Variants in FABP5 observed in about 807,000 individuals in gnomAD.
The protein encoded by FABP5 is fatty acid binding protein 5.
A neutral mutation model predicts 16.9 loss-of-function variants in FABP5; 7 were observed. That is an observed-to-expected ratio of 0.41 (90% CI 0.24 to 0.78). The LOEUF is 0.78. Ranked by LOEUF, FABP5 falls within the 30% of genes least tolerant of loss-of-function variation. The pLI, the probability that FABP5 is intolerant of heterozygous loss-of-function variation, is 0.30. For missense variants in FABP5, 119 were observed against 159.5 expected (o/e 0.75, Z 1.37); for synonymous variants, 37 against 52.8 (o/e 0.70, Z 1.30).
chr8:81,283,661 A>C (rs998287399), intron 2 of FABP5, 123 bp downstream of exon 2: 48 of 1,178,838 alleles, frequency 4.1e-5, no homozygotes, highest in Non-Finnish European at 5.0e-5. Flanking sequence ...AATTTTGTCA[A>C]ATTAGCAAAA....
At chr8:81,280,732 C>T in intron 1 of FABP5, 58 bp downstream of exon 1, 1 of 1,473,766 alleles carries the variant, frequency 6.8e-7, no homozygotes, top group South Asian at 1.2e-5. Flanking sequence ...TCGTCTGTCC[C>T]TAGGTCCCCG....
intron 1 of FABP5, 67 bp downstream of exon 1, chr8:81,280,741 C>A: frequency 1.4e-6 from 2 of 1,417,080 alleles, no homozygotes; most frequent in Non-Finnish European, 1.9e-6. Context: ...CCTAGGTCCC[C>A]GTCAGCGTGC....
rs181541105 is a variant in FABP5, at chr8:81,281,747, A to G, written c.79+1073A>G. On this transcript the variant is annotated intron_variant, in intron 1 of 3. Transcript: ENST00000297258. This position sits in a 1 kb window ranked among gnomAD's most constrained non-coding sequence, Gnocchi z 4.5. ...CTTTTCTATGCCAGTGACAGATTGC[A>G]TGCTGATTGAGACACTGGATAAATT... The G allele has an allele frequency of 2.3e-6, 2 of 882,546 alleles. No homozygotes were observed. Among genetic ancestry groups the G allele is most frequent in the Non-Finnish European group, 2.7e-6 (2 of 736,110 alleles). The allele number at this position is 882,546 out of a possible 1,614,324, so 54.7% of individuals were successfully genotyped here. A position where few individuals can be genotyped will look rare whatever the true frequency, so the allele number is the denominator to read the frequency against.
At chr8:81,284,122 A>G (rs1586290274) in intron 3 of FABP5, 148 bp downstream of exon 3, 1 of 632,292 alleles carries the variant, frequency 1.6e-6, no homozygotes, top group South Asian at 2.1e-5. Context: ...CTAATTATTA[A>G]GAAAGTCCTA....
At chr8:81,280,842 C>G in intron 1 of FABP5, 168 bp downstream of exon 1, 1 of 621,616 alleles carries the variant, frequency 1.6e-6, no homozygotes. Flanking sequence ...GCGCGCAGCA[C>G]CACGCGGGCA....
chr8:81,280,770 A>C, intron 1 of FABP5, 96 bp downstream of exon 1: 1 of 1,191,694 alleles, frequency 8.4e-7, no homozygotes, highest in Non-Finnish European at 1.2e-6. Flanking sequence ...GGGGCAGGAG[A>C]TGCTCGGCGG....
At chr8:81,283,602 T>G (rs558194554) in intron 2 of FABP5, 64 bp downstream of exon 2, 2 of 1,468,216 alleles carry the variant, frequency 1.4e-6, no homozygotes, top group African/African-American at 2.8e-5. Context: ...TCAATAACAT[T>G]TTACTGTTTA....
In FABP5 at chr8:81,280,585, C is replaced by G; in HGVS notation, c.-11C>G. ...GACCCCTCTCTGCACGCCAGCCCGC[C>G]CGCACCCACCATGGCCACAGTTCAG... On this transcript the variant is annotated 5_prime_UTR_variant, in exon 1 of 4. Coordinates refer to ENST00000297258, the MANE Select transcript of FABP5 (RefSeq NM_001444.3). 6.4e-7 allele frequency: 1 copy of G among 1,552,348 alleles called. No homozygotes were observed. The highest frequency in any genetic ancestry group is 8.7e-7 in the Non-Finnish European group (1 of 1,147,194).
chr8:81,280,756 T>G (rs1807813552), intron 1 of FABP5, 82 bp downstream of exon 1: 1 of 1,328,694 alleles, frequency 7.5e-7, no homozygotes, highest in Non-Finnish European at 1.1e-6. Context: ...GCGTGCCAGA[T>G]TCTGGGGCAG....
At chr8:81,283,193 T>C in intron 1 of FABP5, 173 bp from the exon 2 acceptor site, 1 of 513,500 alleles carries the variant, frequency 1.9e-6, no homozygotes, top group Non-Finnish European at 3.4e-6. Context: ...TTACCTGAAT[T>C]TCATATATGT....
chr8:81,280,633 T>C lies in FABP5; in HGVS notation c.38T>C (p.Leu13Pro). The C allele has an allele frequency of 6.4e-7, 1 of 1,560,050 alleles. No individual in the cohort carries two copies. The highest frequency in any genetic ancestry group is 8.7e-7 in the Non-Finnish European group (1 of 1,151,194). ...TVQQLEGRWRLVDSKGFDEYM... is the reference protein window; with the variant it reads ...TVQQLEGRWRPVDSKGFDEYM... ...CAGCAGCTGGAAGGAAGATGGCGCC[T>C]GGTGGACAGCAAAGGCTTTGATGAA... Residue 13 changes from leucine (L) to proline (P), a missense_variant, in exon 1 of 4, where the codon CTG becomes CCG. Leu to Pro is a moderately conservative substitution (Grantham distance 98). Coordinates refer to ENST00000297258, the MANE Select transcript of FABP5 (RefSeq NM_001444.3).
Position 81,281,691 on chromosome 8 carries a change from T to C in FABP5, c.79+1017T>C, listed in dbSNP as rs983791872. The C allele has an allele frequency of 1.0e-6, 1 of 982,650 alleles. No individual in the cohort carries two copies. The highest frequency in any genetic ancestry group is 1.2e-6 in the Non-Finnish European group (1 of 827,478). 60.9% of individuals were successfully genotyped at this position (982,650 alleles called of 1,614,324 possible). On this transcript the variant is annotated intron_variant, in intron 1 of 3. Transcript: ENST00000297258. The surrounding 1 kb of genome is among the most constrained non-coding windows in gnomAD (Gnocchi z 4.5). ...CTCAGTAGTAAGATTCATTTCTCAC[T>C]CAAAACAGTGCTTCATTATAAATTA... is the stretch of plus-strand genomic sequence containing the variant.
intron 1 of FABP5, among the ~76,000 whole-genome samples, chr8:81,282,408 G>A (rs983362175): frequency 1.3e-5 from 2 of 152,150 alleles, no homozygotes; most frequent in Admixed American, 6.5e-5. Flanking sequence ...TAAGGCACCA[G>A]CCCTGAGCTG....
At chr8:81,282,769 G>T (rs2034310462) in intron 1 of FABP5, among the ~76,000 whole-genome samples, 1 of 151,940 alleles carries the variant, frequency 6.6e-6, no homozygotes, top group Non-Finnish European at 1.5e-5. Flanking sequence ...TGTGCTATTT[G>T]AATATCTCAG....
intron 1 of FABP5, chr8:81,280,877 G>A (rs1046604105): frequency 3.6e-6 from 2 of 548,768 alleles, no homozygotes; most frequent in Admixed American, 6.4e-5. Flanking sequence ...GGGAGCGTGC[G>A]CGCCTCTTGC....
intron 3 of FABP5, 49 bp downstream of exon 3, chr8:81,284,023 A>G: frequency 7.5e-7 from 1 of 1,336,612 alleles, no homozygotes; most frequent in East Asian, 2.4e-5. Flanking sequence ...GTGCATTCAT[A>G]GTTCACATAA....
In FABP5 at chr8:81,281,726, T is replaced by C; in HGVS notation, c.79+1052T>C. On this transcript the variant is annotated intron_variant, in intron 1 of 3. Transcript: ENST00000297258. This position sits in a 1 kb window ranked among gnomAD's most constrained non-coding sequence, Gnocchi z 4.5. ...GCTTCATTATAAATTACTGTCCTTT[T>C]CTATGCCAGTGACAGATTGCATGCT... 1.1e-6 allele frequency: 1 copy of C among 952,278 alleles called. No individual in the cohort carries two copies. Among genetic ancestry groups the C allele is most frequent in the Non-Finnish European group, 1.3e-6 (1 of 799,638 alleles). The allele number at this position is 952,278 out of a possible 1,614,324, so 59.0% of individuals were successfully genotyped here. A position where few individuals can be genotyped will look rare whatever the true frequency, so the allele number is the denominator to read the frequency against.
At position 81,283,407 on chromosome 8, in the gene FABP5, C is replaced by T; in HGVS notation, c.121C>T (p.Pro41Ser). ...ALRKMGAMAK[P>S]DCIITCDGKN... ...GCGAAAAATGGGCGCAATGGCCAAG[C>T]CAGATTGTATCATCACTTGTGATGG... Residue 41 changes from proline (P) to serine (S), a missense_variant, in exon 2 of 4, where the codon CCA (proline) becomes TCA (serine). By Grantham distance (74) the Pro-to-Ser change is moderately conservative. Transcript: ENST00000297258. The T allele has an allele frequency of 6.2e-7, 1 of 1,607,952 alleles. No homozygotes were observed. Among genetic ancestry groups the T allele is most frequent in the Non-Finnish European group, 8.5e-7 (1 of 1,177,666 alleles).
chr8:81,284,710 A>G lies in FABP5; in HGVS notation c.*143A>G, dbSNP rs1403505581. The G allele has an allele frequency of 7.1e-6, 4 of 561,924 alleles. No homozygotes were observed. In the East Asian group the frequency reaches 1.1e-4, roughly 16 times the overall value. The allele number at this position is 561,924 out of a possible 1,614,324, so 34.8% of individuals were successfully genotyped here. On this transcript the variant is annotated 3_prime_UTR_variant, in exon 4 of 4. Transcript: ENST00000297258. Reference sequence around the variant, plus strand: ...TATCATAAACATTTTACATGCAGCTATTTCAAAGTGTGTTGGATTAATTAG... The same window carrying G: ...TATCATAAACATTTTACATGCAGCTGTTTCAAAGTGTGTTGGATTAATTAG...
Sources: allele counts gnomAD v4.1 joint callset (sites outside exome capture counted in the v4.1 genomes callset), GRCh38; gene constraint gnomAD v4.1.1; non-coding constraint Gnocchi (gnomAD v3.1); transcripts MANE v1.5; gene names NCBI Gene and HGNC (gene_info 2026-07-23, HGNC 2026-07-21).